The following NCOA2 variants were observed in gnomAD, a reference collection of about 807,000 sequenced individuals.
The protein encoded by NCOA2 is class E basic helix-loop-helix protein 75.
NCOA2 carries 21 observed loss-of-function variants against 145.1 expected under a neutral mutation model. That is an observed-to-expected ratio of 0.14 (90% CI 0.10 to 0.21). NCOA2 has a LOEUF of 0.21. Among genes scored for constraint, NCOA2 ranks in the 10% least tolerant of loss-of-function variants. The pLI is 1.00. For synonymous variants in NCOA2, 619 were observed against 637.5 expected (o/e 0.97, Z 0.44); for missense variants, 1,472 against 1,837.6 (o/e 0.80, Z 3.64).
At chr8:70,454,946 A>C in the NCOA2 span, among the ~76,000 whole-genome samples, 3 of 152,252 alleles carry the variant, frequency 2.0e-5, no homozygotes, top group Admixed American at 6.5e-5. Flanking sequence ...GTGAAATTGA[A>C]GTTAATGATG....
the NCOA2 span, among the ~76,000 whole-genome samples, chr8:70,433,746 C>A: frequency 6.6e-6 from 1 of 152,284 alleles, no homozygotes; most frequent in South Asian, 2.1e-4. Context: ...TGGTCACTCG[C>A]TGAATGTGAC....
intron 1 of NCOA2, among the ~76,000 whole-genome samples, chr8:70,366,487 C>T (rs1388643113): frequency 6.6e-6 from 1 of 151,548 alleles, no homozygotes; most frequent in African/African-American, 2.4e-5. Context: ...ATATTTAATA[C>T]TCAGGGGCTT....
intron 1 of NCOA2, among the ~76,000 whole-genome samples, chr8:70,301,581 CG>C (rs1827490695): frequency 7.2e-6 from 1 of 139,162 alleles, no homozygotes; most frequent in African/African-American, 2.7e-5. Context: ...CTTGAGCCTA[CG>C]GATGTCAAGG....
rs1809182211 is a variant in NCOA2 at position 70,132,068 on chromosome 8, A to T, written c.3159-66T>A. 2.0e-6 allele frequency: 3 copies of T among 1,486,472 alleles called. No individual in the cohort carries two copies. In the Admixed American group the frequency reaches 6.1e-5, roughly 30 times the overall value. The allele number at this position is 1,486,472 out of a possible 1,614,324, so 92.1% of individuals were successfully genotyped here. ...TAGTTGATTAGAGAACAAATTCTTT[A>T]TCTCAAAGGTGAAAGTATCAATTGA... On this transcript the variant is annotated intron_variant, in intron 15 of 22. Transcript: ENST00000452400.
At chr8:70,182,509 A>C (rs1349902997) in intron 4 of NCOA2, among the ~76,000 whole-genome samples, 1 of 152,262 alleles carries the variant, frequency 6.6e-6, no homozygotes, top group Admixed American at 6.5e-5. Flanking sequence ...GAGAAAGGAC[A>C]GCAACCAGAA....
intron 2 of NCOA2, among the ~76,000 whole-genome samples, chr8:70,284,224 G>A (rs75066803): frequency 1.3e-5 from 2 of 152,036 alleles, no homozygotes; most frequent in Non-Finnish European, 2.9e-5. Flanking sequence ...ATCTCTGGAC[G>A]GTGCTTTCAA....
At chr8:70,320,231 A>G (rs1009861470) in intron 1 of NCOA2, among the ~76,000 whole-genome samples, 2 of 152,140 alleles carry the variant, frequency 1.3e-5, no homozygotes, top group African/African-American at 4.8e-5. Flanking sequence ...TGGAAGCTAT[A>G]TATCTGGGTC....
At chr8:70,437,803 T>C in the NCOA2 span, among the ~76,000 whole-genome samples, 3 of 152,220 alleles carry the variant, frequency 2.0e-5, no homozygotes, top group Non-Finnish European at 4.4e-5. Context: ...ATGATTAGTT[T>C]GACAACATAA....
chr8:70,400,007 T>G (rs188529631), intron 1 of NCOA2, among the ~76,000 whole-genome samples: 274 of 152,336 alleles, frequency 1.8e-3, no homozygotes, highest in African/African-American at 6.3e-3. Context: ...TGGAAAGCTT[T>G]AATAAGATAC....
intron 6 of NCOA2, among the ~76,000 whole-genome samples, chr8:70,168,714 A>G (rs1353725709): frequency 6.6e-6 from 1 of 152,262 alleles, no homozygotes; most frequent in Non-Finnish European, 1.5e-5. Flanking sequence ...TCAGATTAAT[A>G]AGTTGAAAGT....
At chr8:70,249,975 AAAAAGAAG>A (rs924011434) in intron 2 of NCOA2, among the ~76,000 whole-genome samples, 5 of 148,146 alleles carry the variant, frequency 3.4e-5, no homozygotes, top group African/African-American at 1.3e-4. Context: ...AAAAAAAAAA[AAAAAGAAG>A]AAGAAGAAGA....
At chr8:70,409,799 G>A in the NCOA2 span, among the ~76,000 whole-genome samples, 1 of 152,154 alleles carries the variant, frequency 6.6e-6, no homozygotes, top group Non-Finnish European at 1.5e-5. Flanking sequence ...AAACCTGCAA[G>A]GTTGAGGCTG....
chr8:70,117,427 C>T (rs1350750398), intron 22 of NCOA2, among the ~76,000 whole-genome samples: 1 of 152,198 alleles, frequency 6.6e-6, no homozygotes. Context: ...CTGGGAGGTT[C>T]CTCCCTCCTG....
the NCOA2 span, among the ~76,000 whole-genome samples, chr8:70,435,271 A>C: frequency 6.7e-6 from 1 of 149,374 alleles, no homozygotes; most frequent in Admixed American, 6.7e-5. Flanking sequence ...TAAAAATACA[A>C]AAAATTAGCC....
chr8:70,209,680 G>A (rs1818814583), intron 4 of NCOA2, among the ~76,000 whole-genome samples: 1 of 152,166 alleles, frequency 6.6e-6, no homozygotes, highest in Admixed American at 6.5e-5. Context: ...TCATATGCTT[G>A]TTATAGCACT....
chr8:70,152,753 TG>T (rs1453673308), intron 11 of NCOA2, among the ~76,000 whole-genome samples: 1 of 152,216 alleles, frequency 6.6e-6, no homozygotes, highest in Non-Finnish European at 1.5e-5. Flanking sequence ...AATGCTATTT[TG>T]GGTATAATAG....
chr8:70,189,362 G>A (rs986583898), intron 4 of NCOA2, among the ~76,000 whole-genome samples: 1 of 152,140 alleles, frequency 6.6e-6, no homozygotes, highest in Non-Finnish European at 1.5e-5. Context: ...ATCATTTACT[G>A]TATCATATAA....
At chr8:70,336,989 G>T (rs116799016) in intron 1 of NCOA2, among the ~76,000 whole-genome samples, 1 of 152,066 alleles carries the variant, frequency 6.6e-6, no homozygotes. Context: ...TTCCAAAATA[G>T]CCAAAAATAA....
intron 15 of NCOA2, among the ~76,000 whole-genome samples, chr8:70,133,847 A>G (rs1272598038): frequency 6.6e-6 from 1 of 152,194 alleles, no homozygotes; most frequent in African/African-American, 2.4e-5. Context: ...ACCAACAATT[A>G]ATTTCAAATG....
Sources: allele counts gnomAD v4.1 joint callset (sites outside exome capture counted in the v4.1 genomes callset), GRCh38; gene constraint gnomAD v4.1.1; transcripts MANE v1.5; gene names NCBI Gene and HGNC (gene_info 2026-07-23, HGNC 2026-07-21).